The following CNTNAP2 variants were observed in gnomAD, a reference collection of about 807,000 sequenced individuals.
The protein encoded by CNTNAP2 is contactin-associated protein-like 2.
Under a neutral mutation model 155.2 loss-of-function variants are expected in CNTNAP2, and 98 were observed. The ratio of observed to expected loss-of-function variants is 0.63; its 90% CI spans 0.54 to 0.75. CNTNAP2 has a LOEUF of 0.75. Among genes scored for constraint, CNTNAP2 ranks in the 30% least tolerant of loss-of-function variants. CNTNAP2 has a pLI of 0.00. For missense variants in CNTNAP2, 1,727 were observed against 1,688.1 expected (o/e 1.02, Z -0.40); for synonymous variants, 651 against 631.2 (o/e 1.03, Z -0.47).
intron 17 of CNTNAP2, among the ~76,000 whole-genome samples, chr7:148,153,257 A>G (rs1354026300): frequency 6.8e-6 from 1 of 147,606 alleles, no homozygotes; most frequent in African/African-American, 2.5e-5. Context: ...AAAAAAACAG[A>G]GAAGACACAG....
In CNTNAP2 at chr7:146,969,503, G is replaced by T. The variant is rs182588674; in HGVS notation, c.403-74404G>T. Among the ~76,000 whole-genome samples the T allele has an allele frequency of 6.7e-3, 1,016 of 152,036 alleles. 16 individuals carry two copies. The highest frequency in any genetic ancestry group is 0.021 in the African/African-American group (883 of 41,450). On this transcript the variant is annotated intron_variant, in intron 3 of 23. Transcript: ENST00000361727. ...TATGAATCTGGGTGCTCTTGTATTG[G>T]GTGCATATATATTTAGGATAGTTAG...
chr7:146,632,595 CA>C (rs1314306538), intron 1 of CNTNAP2, among the ~76,000 whole-genome samples: 1 of 151,386 alleles, frequency 6.6e-6, no homozygotes, highest in Non-Finnish European at 1.5e-5. Flanking sequence ...ATTTTCTGAA[CA>C]AAAAAATGAA....
chr7:146,696,284 TTCATCTAG>T (rs1800781373), intron 1 of CNTNAP2, among the ~76,000 whole-genome samples: 1 of 152,196 alleles, frequency 6.6e-6, no homozygotes, highest in South Asian at 2.1e-4. Flanking sequence ...ATCAGTCCGT[TTCATCTAG>T]GTTATCAAAT....
chr7:147,610,426 C>T (rs995951212), intron 12 of CNTNAP2, among the ~76,000 whole-genome samples: 4 of 152,122 alleles, frequency 2.6e-5, no homozygotes, highest in Non-Finnish European at 2.9e-5. Flanking sequence ...TTCCTAAGGC[C>T]GGTAATGGGA....
At position 147,468,809 on chromosome 7, in the gene CNTNAP2, T is replaced by C. The variant is rs572317201; in HGVS notation, c.1671-17126T>C. Among the ~76,000 whole-genome samples, 35 of 148,744 alleles carry C rather than the reference T, an allele frequency of 2.4e-4. 1 individual carries two copies. The highest frequency in any genetic ancestry group is 1.4e-3 in the Admixed American group (21 of 14,612). On this transcript the variant is annotated intron_variant, in intron 10 of 23. Coordinates refer to ENST00000361727, the MANE Select transcript of CNTNAP2 (RefSeq NM_014141.6). ...AGAAAGTAGCAGGATGGAAACTGCC[T>C]TATTATTTTCTTTTTTCTTCTTCTT...
intron 8 of CNTNAP2, among the ~76,000 whole-genome samples, chr7:147,276,590 G>A (rs747074426): frequency 6.6e-6 from 1 of 151,922 alleles, no homozygotes; most frequent in African/African-American, 2.4e-5. Context: ...GAATGTAATG[G>A]TTTTAATGCA....
intron 10 of CNTNAP2, among the ~76,000 whole-genome samples, chr7:147,406,813 A>G (rs755340751): frequency 3.1e-4 from 47 of 152,356 alleles, no homozygotes; most frequent in Non-Finnish European, 6.8e-4. Flanking sequence ...AAATTACGGT[A>G]TCTGAAAAGG....
chr7:146,795,857 A>G (rs1418203534), intron 2 of CNTNAP2, among the ~76,000 whole-genome samples: 1 of 152,232 alleles, frequency 6.6e-6, no homozygotes, highest in Non-Finnish European at 1.5e-5. Context: ...TATGCAGAGA[A>G]GCAGTGTGTA....
At chr7:147,311,905 G>C (rs1795134910) in intron 9 of CNTNAP2, among the ~76,000 whole-genome samples, 1 of 152,000 alleles carries the variant, frequency 6.6e-6, no homozygotes. Flanking sequence ...TGCTTATTTT[G>C]TCTGCTTGCC....
At chr7:147,702,660 A>G (rs560074615) in intron 13 of CNTNAP2, among the ~76,000 whole-genome samples, 2 of 151,854 alleles carry the variant, frequency 1.3e-5, no homozygotes, top group African/African-American at 4.8e-5. Context: ...AGGCTTGCAG[A>G]TGGAGTGTTA....
chr7:146,816,075 T>C (rs1803164441), intron 2 of CNTNAP2, among the ~76,000 whole-genome samples: 1 of 152,210 alleles, frequency 6.6e-6, no homozygotes, highest in Non-Finnish European at 1.5e-5. Flanking sequence ...TCCATGTCTC[T>C]ACAAAGGACT....
chr7:147,101,642 G>T (rs35459577), intron 4 of CNTNAP2, among the ~76,000 whole-genome samples: 57,060 of 151,846 alleles, frequency 0.38, 10,940 homozygotes, highest in Non-Finnish European at 0.39. Flanking sequence ...CTCTCAGCGG[G>T]ATGGATGGGG....
chr7:148,383,636 T>A lies in CNTNAP2; in HGVS notation c.3476-13T>A, dbSNP rs1230460294. The stretch of plus-strand genomic sequence containing the variant: ...TGAGTCAAGTAACATTTTCATTTCT[T>A]TTTTTCTTTTAGAAACAGGGAAAAT... On this transcript the variant is annotated splice_polypyrimidine_tract_variant and intron_variant, in intron 21 of 23. Transcript: ENST00000361727. 2 of 1,614,184 alleles carry A rather than the reference T, an allele frequency of 1.2e-6. No individual in the cohort carries two copies. The highest frequency in any genetic ancestry group is 8.5e-7 in the Non-Finnish European group (1 of 1,180,048).
intron 3 of CNTNAP2, among the ~76,000 whole-genome samples, chr7:146,878,695 C>T (rs1011062376): frequency 6.6e-6 from 1 of 152,056 alleles, no homozygotes; most frequent in African/African-American, 2.4e-5. Flanking sequence ...CTCCCCTGCC[C>T]TCACTCCACT....
At chr7:146,729,513 A>G (rs1348243246) in intron 1 of CNTNAP2, among the ~76,000 whole-genome samples, 1 of 152,154 alleles carries the variant, frequency 6.6e-6, no homozygotes, top group Admixed American at 6.5e-5. Flanking sequence ...CAAACTCCAA[A>G]AATAAATGGA....
At chr7:146,212,290 C>A (rs771499694) in intron 1 of CNTNAP2, among the ~76,000 whole-genome samples, 1 of 152,066 alleles carries the variant, frequency 6.6e-6, no homozygotes, top group Non-Finnish European at 1.5e-5. Context: ...ATTTGACTTA[C>A]TAAATAAATG....
At chr7:146,907,721 A>G (rs1218376577) in intron 3 of CNTNAP2, among the ~76,000 whole-genome samples, 3 of 150,732 alleles carry the variant, frequency 2.0e-5, no homozygotes, top group Admixed American at 6.6e-5. Context: ...GACCATCGAG[A>G]CTAGGAAGAA....
intron 20 of CNTNAP2, among the ~76,000 whole-genome samples, chr7:148,243,368 G>T (rs767364732): frequency 6.6e-6 from 1 of 152,202 alleles, no homozygotes; most frequent in Non-Finnish European, 1.5e-5. Context: ...TAGCAGAGGG[G>T]ACAGAGGCTG....
chr7:148,114,257 A>G (rs1286561105), intron 15 of CNTNAP2, among the ~76,000 whole-genome samples: 1 of 152,254 alleles, frequency 6.6e-6, no homozygotes, highest in African/African-American at 2.4e-5. Flanking sequence ...AGCAGTATCC[A>G]GTTATCAGTA....
Sources: gnomAD v4.1 joint callset for allele counts (sites outside exome capture counted in the v4.1 genomes callset) on GRCh38, gnomAD v4.1.1 for gene constraint, MANE v1.5 for transcripts, NCBI Gene and HGNC (gene_info 2026-07-23, HGNC 2026-07-21) for gene names.